The following TRPV1 variants were observed in gnomAD, a reference collection of about 807,000 sequenced individuals.
The protein encoded by TRPV1 is OTRPC1.
Under a neutral mutation model 82.3 loss-of-function variants are expected in TRPV1, and 82 were observed. The observed-to-expected ratio is 1.00, with a 90% CI of 0.83 to 1.20. The LOEUF (loss-of-function observed/expected upper bound fraction) is 1.20, where lower values mean the gene tolerates loss of function less well. TRPV1 is among the 50% of genes most tolerant of loss of function. The pLI is 0.00. For missense variants in TRPV1, 1,067 were observed against 1,096.8 expected, an observed-to-expected ratio of 0.97 and a Z score of 0.38; for synonymous variants, 515 against 467.7, an observed-to-expected ratio of 1.10 and a Z score of -1.30.
chr17:3,585,104 C>G (rs2075068679), intron 9 of TRPV1: 1 of 151,792 alleles, frequency 6.6e-6, no homozygotes, highest in Non-Finnish European at 1.5e-5. Context: ...CTGGGGACCC[C>G]CAGGCCAGGG....
chr17:3,572,072 G>A (rs1410632641), intron 15 of TRPV1, 50 bp downstream of exon 15: 16 of 1,596,890 alleles, frequency 1.0e-5, no homozygotes, highest in African/African-American at 2.7e-5. Flanking sequence ...GTGTCCACAG[G>A]TGAGCCCCAA....
chr17:3,572,807 AC>A (rs1483368136), intron 14 of TRPV1, among the ~76,000 whole-genome samples: 1 of 152,144 alleles, frequency 6.6e-6, no homozygotes, highest in African/African-American at 2.4e-5. Flanking sequence ...ACATGGTGAA[AC>A]CCCATCTCTA....
chr17:3,597,749 C>G (rs2075232244), intron 2 of TRPV1, among the ~76,000 whole-genome samples: 1 of 149,574 alleles, frequency 6.7e-6, no homozygotes, highest in Admixed American at 6.7e-5. Flanking sequence ...TCTCAGCTCA[C>G]TGCAACCTCC....
chr17:3,567,389 A>AAG (rs1190059765), intron 16 of TRPV1, among the ~76,000 whole-genome samples: 11 of 149,486 alleles, frequency 7.4e-5, no homozygotes, highest in Non-Finnish European at 1.0e-4. Flanking sequence ...AAAAAAAAAA[A>AAG]AAGAAGAAGA....
chr17:3,576,848 CAAAAAAAAA>C (rs989451980), intron 13 of TRPV1, among the ~76,000 whole-genome samples: 7 of 39,076 alleles, frequency 1.8e-4, no homozygotes, highest in African/African-American at 6.0e-4. Flanking sequence ...GACTCCATCT[CAAAAAAAAA>C]AAAAAAAAAA....
intron 10 of TRPV1, among the ~76,000 whole-genome samples, chr17:3,582,004 C>G (rs12947515): frequency 0.096 from 13,976 of 145,002 alleles, 858 homozygotes; most frequent in East Asian, 0.26. Context: ...TCCTGGCTAA[C>G]ACGGTGAAAC....
At chr17:3,608,329 C>T (rs2075312585) in intron 2 of TRPV1, 98 bp downstream of exon 2, 1 of 151,988 alleles carries the variant, frequency 6.6e-6, no homozygotes, top group South Asian at 2.1e-4. Context: ...AAAGGAAGCA[C>T]CTTACGGTTT....
In TRPV1 at chr17:3,590,992, G is replaced by A. The variant is rs200640999; in HGVS notation, c.576C>T (p.Asn192=). Residue 192 remains asparagine, a synonymous_variant, in exon 5 of 17, where the codon AAC becomes AAT. Coordinates refer to ENST00000572705, the MANE Select transcript of TRPV1 (RefSeq NM_080704.4). ...TGTAGTAGCTGTCCGTGTAGCTGGC[G>A]TTGACAAGCTCCTTCAGGCTGTCCG... is the stretch of plus-strand genomic sequence containing the variant. The part of the protein sequence containing the change: ...RQTDSLKELV[N]ASYTDSYYKG... 864 of 1,609,346 alleles carry A rather than the reference G, an allele frequency of 5.4e-4. 3 individuals are homozygous for A. The Middle Eastern group carries it at 7.5e-3, about 14-fold the overall frequency.
chr17:3,580,132 A>G (rs1378271580), intron 11 of TRPV1, among the ~76,000 whole-genome samples: 2 of 151,956 alleles, frequency 1.3e-5, no homozygotes, highest in Non-Finnish European at 2.9e-5. Context: ...AACTCCCCAA[A>G]GGCGGGCGCC....
intron 13 of TRPV1, among the ~76,000 whole-genome samples, chr17:3,574,367 G>A (rs1345360886): frequency 1.3e-5 from 2 of 152,172 alleles, no homozygotes; most frequent in African/African-American, 4.8e-5. Context: ...TGTGGGAAGT[G>A]TGGCCCAGAG....
At chr17:3,598,712 C>T (rs891785864) in intron 2 of TRPV1, among the ~76,000 whole-genome samples, 2 of 151,404 alleles carry the variant, frequency 1.3e-5, no homozygotes, top group South Asian at 2.1e-4. Flanking sequence ...ATTACAGGCA[C>T]GTGCCACCAC....
At chr17:3,574,014 T>C in intron 13 of TRPV1, 59 bp from the exon 14 acceptor site, 1 of 1,383,040 alleles carries the variant, frequency 7.2e-7, no homozygotes, top group Non-Finnish European at 9.8e-7. Context: ...CCAAGTCCCC[T>C]GACATACACC....
At chr17:3,585,617 G>C (rs2075074207) in intron 9 of TRPV1, 151 bp downstream of exon 9, 2 of 929,248 alleles carry the variant, frequency 2.2e-6, no homozygotes, top group Admixed American at 2.6e-5. Flanking sequence ...GGGATACGAG[G>C]TTCTCCACGT....
chr17:3,577,879 G>C (rs2074955912), intron 11 of TRPV1, 116 bp from the exon 12 acceptor site: 2 of 968,090 alleles, frequency 2.1e-6, no homozygotes, highest in African/African-American at 3.3e-5. Flanking sequence ...ATAGGAGCTA[G>C]GGTTGGGCTG....
chr17:3,583,717 A>T (rs778334363), intron 9 of TRPV1, among the ~76,000 whole-genome samples: 1 of 152,180 alleles, frequency 6.6e-6, no homozygotes, highest in African/African-American at 2.4e-5. Context: ...CTGGGAGCAG[A>T]GTGATGGACA....
intron 13 of TRPV1, among the ~76,000 whole-genome samples, chr17:3,575,376 G>T (rs755772188): frequency 3.3e-5 from 5 of 152,028 alleles, no homozygotes; most frequent in Non-Finnish European, 7.4e-5. Flanking sequence ...CCAGCTACCT[G>T]GAAGGCTGAG....
chr17:3,575,553 G>A (rs184067388), intron 13 of TRPV1, among the ~76,000 whole-genome samples: 7 of 152,078 alleles, frequency 4.6e-5, no homozygotes, highest in East Asian at 3.9e-4. Context: ...ACTCATCAAC[G>A]GATGCTAGAA....
At chr17:3,594,519 G>A (rs1016787233) in intron 2 of TRPV1, among the ~76,000 whole-genome samples, 12 of 152,252 alleles carry the variant, frequency 7.9e-5, no homozygotes, top group Non-Finnish European at 1.6e-4. Flanking sequence ...TCACCACTCC[G>A]CAGGCTGTGA....
At position 3,590,038 on chromosome 17, in the gene TRPV1, G is replaced by A. The variant is rs766551321; in HGVS notation, c.813C>T (p.Asn271=). Residue 271 remains asparagine, a synonymous_variant, in exon 7 of 17, where the codon AAC becomes AAT. Transcript: ENST00000572705. ...CGCTGATGTCGGCCGTCTGCCAGGAGTTCTGCAGCAGGAACTTCACGATGC... is the reference window on the plus strand; with the variant it reads ...CGCTGATGTCGGCCGTCTGCCAGGAATTCTGCAGCAGGAACTTCACGATGC... ...QLGIVKFLLQ[N]SWQTADISAR... is the part of the protein sequence containing the mutation. 3 of 1,584,232 alleles carry A rather than the reference G, an allele frequency of 1.9e-6. No individual in the cohort carries two copies. The highest frequency in any genetic ancestry group is 2.7e-5 in the African/African-American group (2 of 74,160).
Sources: allele counts gnomAD v4.1 joint callset (sites outside exome capture counted in the v4.1 genomes callset), GRCh38; gene constraint gnomAD v4.1.1; transcripts MANE v1.5; gene names NCBI Gene and HGNC (gene_info 2026-07-23, HGNC 2026-07-21).